Variants in CNTN5 observed in about 807,000 individuals in gnomAD.
CNTN5 encodes the protein contactin-5.
Under a neutral mutation model 129.1 loss-of-function variants are expected in CNTN5, and 77 were observed. The observed-to-expected ratio is 0.60, with a 90% CI of 0.50 to 0.72. The LOEUF (loss-of-function observed/expected upper bound fraction) is 0.72. Ranked by LOEUF, CNTN5 falls within the 30% of genes least tolerant of loss-of-function variation. CNTN5 has a pLI of 0.00. For synonymous variants in CNTN5, 509 were observed against 465.6 expected (o/e 1.09, Z -1.20); for missense variants, 1,478 against 1,328.8 (o/e 1.11, Z -1.75).
intron 18 of CNTN5, 22 bp downstream of exon 18, chr11:100,271,263 A>G (rs754661008): frequency 1.3e-6 from 2 of 1,578,676 alleles, no homozygotes; most frequent in Non-Finnish European, 1.7e-6. Flanking sequence ...GAAGAGTCAG[A>G]TTGGATTTGG....
intron 6 of CNTN5, among the ~76,000 whole-genome samples, chr11:99,914,176 G>A (rs1033714763): frequency 6.6e-6 from 1 of 152,080 alleles, no homozygotes; most frequent in African/African-American, 2.4e-5. Context: ...TTTACAGACT[G>A]CAGTGAGTTA....
intron 3 of CNTN5, among the ~76,000 whole-genome samples, chr11:99,783,641 TA>T (rs1945398652): frequency 7.4e-6 from 1 of 135,274 alleles, no homozygotes; most frequent in Non-Finnish European, 1.6e-5. Context: ...TATGCAGCCA[TA>T]AAAAAGGATG....
At chr11:100,090,433 C>T (rs1404832908) in intron 13 of CNTN5, among the ~76,000 whole-genome samples, 1 of 147,626 alleles carries the variant, frequency 6.8e-6, no homozygotes, top group Non-Finnish European at 1.5e-5. Flanking sequence ...GCCTGCCTGC[C>T]TTCCTTCCTT....
intron 6 of CNTN5, among the ~76,000 whole-genome samples, chr11:99,875,455 C>T (rs1444995291): frequency 6.6e-6 from 1 of 152,030 alleles, no homozygotes; most frequent in Non-Finnish European, 1.5e-5. Context: ...TTTCTATATG[C>T]TCCTGTTATT....
At chr11:100,008,763 A>G (rs1457543775) in intron 9 of CNTN5, among the ~76,000 whole-genome samples, 3 of 152,108 alleles carry the variant, frequency 2.0e-5, no homozygotes, top group Non-Finnish European at 4.4e-5. Context: ...ACCTAACAGC[A>G]AATTTTCTTC....
chr11:99,042,891 T>A (rs1474600098), intron 1 of CNTN5, among the ~76,000 whole-genome samples: 3 of 148,796 alleles, frequency 2.0e-5, no homozygotes, highest in South Asian at 4.1e-4. Flanking sequence ...CTACTTTAAC[T>A]CCTAGGGACT....
At chr11:100,014,153 T>A (rs1940687765) in intron 9 of CNTN5, among the ~76,000 whole-genome samples, 1 of 152,080 alleles carries the variant, frequency 6.6e-6, no homozygotes, top group South Asian at 2.1e-4. Flanking sequence ...ATTCAAAAAT[T>A]TTGTATTTAT....
At chr11:99,551,335 C>A (rs1948474283) in intron 2 of CNTN5, among the ~76,000 whole-genome samples, 1 of 152,094 alleles carries the variant, frequency 6.6e-6, no homozygotes, top group Non-Finnish European at 1.5e-5. Flanking sequence ...TTTTTATTAA[C>A]TCAGTACCAG....
chr11:99,867,644 C>G (rs897005549), intron 6 of CNTN5, among the ~76,000 whole-genome samples: 1 of 152,156 alleles, frequency 6.6e-6, no homozygotes, highest in African/African-American at 2.4e-5. Flanking sequence ...TCTGTCCTGA[C>G]TCTTCTGCCT....
chr11:99,535,190 G>A (rs1332033547), intron 2 of CNTN5, among the ~76,000 whole-genome samples: 1 of 152,166 alleles, frequency 6.6e-6, no homozygotes, highest in Non-Finnish European at 1.5e-5. Flanking sequence ...AGGGAGACAA[G>A]TGGCATTATT....
chr11:99,778,023 T>C (rs773781565), intron 3 of CNTN5, among the ~76,000 whole-genome samples: 2 of 151,902 alleles, frequency 1.3e-5, no homozygotes, highest in Non-Finnish European at 2.9e-5. Context: ...CTGAATATTT[T>C]AGGTTATATA....
intron 7 of CNTN5, among the ~76,000 whole-genome samples, chr11:99,920,636 A>G (rs1949913260): frequency 6.6e-6 from 1 of 152,148 alleles, no homozygotes; most frequent in African/African-American, 2.4e-5. Context: ...CCCTACATAC[A>G]AACCATCAGT....
chr11:99,650,002 TAATCTACCTGA>T lies in CNTN5; in HGVS notation c.55+93737_55+93747del, dbSNP rs577291765. ...TCCTCTCTCACATCAATAAGAGTTG[TAATCTACCTGA>T]AATGTGTTATTTTTCCATGCATTTG... On this transcript the variant is annotated intron_variant, in intron 3 of 24. Transcript: ENST00000524871. 5.9e-3 allele frequency among the ~76,000 whole-genome samples: 899 copies of T among 151,904 alleles called. 3 individuals carry two copies. The highest frequency in any genetic ancestry group is 9.6e-3 in the Non-Finnish European group (652 of 67,728).
intron 6 of CNTN5, among the ~76,000 whole-genome samples, chr11:99,895,178 T>G (rs2135927103): frequency 6.6e-6 from 1 of 152,344 alleles, no homozygotes; most frequent in South Asian, 2.1e-4. Flanking sequence ...GTGTCAGTAC[T>G]AGGCATCCAA....
intron 1 of CNTN5, among the ~76,000 whole-genome samples, chr11:99,166,442 G>C (rs1860873411): frequency 2.0e-5 from 3 of 149,004 alleles, no homozygotes; most frequent in African/African-American, 4.9e-5. Context: ...AGACTCCAAA[G>C]GGTTTGAGCA....
chr11:99,770,672 A>C (rs1048814673), intron 3 of CNTN5, among the ~76,000 whole-genome samples: 1 of 152,026 alleles, frequency 6.6e-6, no homozygotes. Context: ...ACCTTAGTCA[A>C]ATTTTTCTCT....
At chr11:99,647,873 T>A (rs540948063) in intron 3 of CNTN5, among the ~76,000 whole-genome samples, 4 of 152,092 alleles carry the variant, frequency 2.6e-5, no homozygotes, top group African/African-American at 9.6e-5. Flanking sequence ...TTCTTGTATG[T>A]TGATTTTGTA....
At chr11:99,698,311 A>T (rs1422153249) in intron 3 of CNTN5, among the ~76,000 whole-genome samples, 1 of 151,366 alleles carries the variant, frequency 6.6e-6, no homozygotes, top group Non-Finnish European at 1.5e-5. Flanking sequence ...TTGATTATTT[A>T]AAATGTCTAG....
chr11:99,114,618 G>A (rs1014883092), intron 1 of CNTN5, among the ~76,000 whole-genome samples: 1 of 151,806 alleles, frequency 6.6e-6, no homozygotes, highest in Non-Finnish European at 1.5e-5. Context: ...TCGAATTAAA[G>A]GCATATCCAT....
Sources: gnomAD v4.1 joint callset for allele counts (sites outside exome capture counted in the v4.1 genomes callset) on GRCh38, gnomAD v4.1.1 for gene constraint, MANE v1.5 for transcripts, NCBI Gene and HGNC (gene_info 2026-07-23, HGNC 2026-07-21) for gene names.